SMIM27: variants seen among roughly 807,000 people sequenced by gnomAD.
SMIM27 encodes the protein TOPORS antisense RNA 1 (non-protein coding).
SMIM27 carries 3 observed loss-of-function variants against 1.8 expected under a neutral mutation model. The ratio of observed to expected loss-of-function variants is 1.65; its 90% CI spans 0.75 to 4.28. SMIM27 has a LOEUF of 4.28. Among genes scored for constraint, SMIM27 ranks in the 30% most tolerant of loss-of-function variants. The pLI, the probability that SMIM27 is intolerant of heterozygous loss-of-function variation, is 0.02. For missense variants in SMIM27, 63 were observed against 37.0 expected, an observed-to-expected ratio of 1.70 and a Z score of -1.83; for synonymous variants, 19 against 13.9, an observed-to-expected ratio of 1.37 and a Z score of -0.82.
At chr9:32,564,203 T>A (rs906762644) in intron 1 of SMIM27, among the ~76,000 whole-genome samples, 1 of 152,198 alleles carries the variant, frequency 6.6e-6, no homozygotes, top group African/African-American at 2.4e-5. Context: ...TTAAAAACCA[T>A]GAGTTCACAC....
At chr9:32,566,453 A>G in exon 2 of SMIM27, 1 of 815,480 alleles carries the variant, frequency 1.2e-6, no homozygotes, top group East Asian at 2.4e-5. Context: ...GAGTATCTTG[A>G]CAAGCAGCCG....
chr9:32,563,618 C>A (rs1056348862), intron 1 of SMIM27, among the ~76,000 whole-genome samples: 1 of 151,316 alleles, frequency 6.6e-6, no homozygotes, highest in Non-Finnish European at 1.5e-5. Flanking sequence ...GCCACTGTGC[C>A]CAGACTAATG....
downstream of SMIM27, among the ~76,000 whole-genome samples, chr9:32,556,407 G>A (rs1424949799): frequency 2.6e-5 from 4 of 152,188 alleles, no homozygotes; most frequent in Admixed American, 2.6e-4. Flanking sequence ...TATTCGATAG[G>A]CACGGCTGTA....
At chr9:32,558,936 C>G in intron 1 of SMIM27, 1 of 1,584,756 alleles carries the variant, frequency 6.3e-7, no homozygotes, top group Non-Finnish European at 8.6e-7. Flanking sequence ...TTCTTTTCAA[C>G]TATGCCATAT....
exon 2 of SMIM27, chr9:32,566,724 T>A: frequency 1.1e-6 from 1 of 888,184 alleles, no homozygotes; most frequent in Non-Finnish European, 1.9e-6. Flanking sequence ...AAATCGGGAC[T>A]CCAAGCCTTC....
chr9:32,562,632 G>A (rs535522129), intron 1 of SMIM27, among the ~76,000 whole-genome samples: 2 of 152,218 alleles, frequency 1.3e-5, no homozygotes, highest in South Asian at 4.1e-4. Context: ...ATAGTAAATT[G>A]CTGACTAGTT....
intron 1 of SMIM27, among the ~76,000 whole-genome samples, chr9:32,560,444 C>A (rs933949130): frequency 1.3e-5 from 2 of 151,980 alleles, no homozygotes; most frequent in Non-Finnish European, 2.9e-5. Context: ...TAAGTTAAAC[C>A]CAGAGTATAA....
chr9:32,552,957 C>A lies in SMIM27; in HGVS notation c.*34C>A. ...GATTTAATTATCTGAAAATACAGTT[C>A]TTTCCCTCATGCTTATGTAGATATA... On this transcript the variant is annotated 3_prime_UTR_variant, in exon 2 of 2. Coordinates refer to ENST00000692500, the MANE Select transcript of SMIM27 (RefSeq NM_001387564.1). The A allele has an allele frequency of 1.5e-6, 1 of 688,644 alleles. No individual in the cohort carries two copies. Among genetic ancestry groups the A allele is most frequent in the Non-Finnish European group, 2.6e-6 (1 of 378,902 alleles). 42.7% of individuals were successfully genotyped at this position (688,644 alleles called of 1,614,324 possible).
chr9:32,564,927 T>G (rs1486007050), intron 1 of SMIM27, among the ~76,000 whole-genome samples: 1 of 152,320 alleles, frequency 6.6e-6, no homozygotes, highest in South Asian at 2.1e-4. Context: ...AACGGCAGTT[T>G]CATGTGGTTC....
downstream of SMIM27, chr9:32,553,997 T>TAG: frequency 8.5e-7 from 1 of 1,169,662 alleles, no homozygotes; most frequent in Non-Finnish European, 1.3e-6. Context: ...ACAGAGGTGA[T>TAG]AGTTCTATTC....
chr9:32,558,909 C>T, intron 1 of SMIM27: 2 of 1,571,664 alleles, frequency 1.3e-6, no homozygotes, highest in Non-Finnish European at 1.7e-6. Context: ...TTAAGACTTA[C>T]AGGGAATATT....
At chr9:32,552,642 G>T in intron 1 of SMIM27, 159 bp from the exon 2 acceptor site, 1 of 685,012 alleles carries the variant, frequency 1.5e-6, no homozygotes, top group Non-Finnish European at 2.6e-6. Context: ...ACGATCTTCC[G>T]CTTCTTACGT....
At chr9:32,562,498 G>A (rs1821654364) in intron 1 of SMIM27, among the ~76,000 whole-genome samples, 1 of 152,190 alleles carries the variant, frequency 6.6e-6, no homozygotes, top group Non-Finnish European at 1.5e-5. Flanking sequence ...CTAACAGAAA[G>A]CCAACATTCA....
chr9:32,559,796 T>C lies in SMIM27; in HGVS notation c.46-6595T>C, dbSNP rs942779017. Among the ~76,000 whole-genome samples, 11 of 152,048 alleles carry C rather than the reference T, an allele frequency of 7.2e-5. No individual in the cohort carries two copies. In the South Asian group the frequency reaches 1.0e-3, roughly 14 times the overall value. ...TAACATTAATATACCTCTTTGTTTA[T>C]ATATTTATTACCAGTCTCTAAAACT... On this transcript the variant is annotated intron_variant, in intron 1 of 1. Transcript: ENST00000451672.
At chr9:32,554,379 C>G (rs887947447), downstream of SMIM27, among the ~76,000 whole-genome samples, 1 of 152,206 alleles carries the variant, frequency 6.6e-6, no homozygotes. Flanking sequence ...AGAATACAAA[C>G]TTTGGCTAGG....
At chr9:32,556,759 A>G (rs1263641965), downstream of SMIM27, among the ~76,000 whole-genome samples, 1 of 152,018 alleles carries the variant, frequency 6.6e-6, no homozygotes, top group Non-Finnish European at 1.5e-5. Context: ...AGCTGGAAAA[A>G]CCAGCAAGAT....
Position 32,563,491 on chromosome 9 carries a change from C to CTTTTTTTTTTTTTTTTTT in SMIM27, c.46-2887_46-2886insTTTTTTTTTTTTTTTTTT, listed in dbSNP as rs111646430. Among the ~76,000 whole-genome samples, 62 of 91,972 alleles carry CTTTTTTTTTTTTTTTTTT rather than the reference C, an allele frequency of 6.7e-4. 9 individuals are homozygous for CTTTTTTTTTTTTTTTTTT. Among genetic ancestry groups the CTTTTTTTTTTTTTTTTTT allele is most frequent in the Non-Finnish European group, 9.7e-4 (44 of 45,450 alleles). The allele number at this position is 91,972 out of a possible 152,430, so 60.3% of individuals were successfully genotyped here. ...CTCCTGAACAGGTGGGACTATTGGG[C>CTTTTTTTTTTTTTTTTTT]TTTTTTTTTTTTTGGAGGGATGGGG... On this transcript the variant is annotated intron_variant, in intron 1 of 1. Coordinates refer to the SMIM27 transcript ENST00000451672.
intron 1 of SMIM27, among the ~76,000 whole-genome samples, chr9:32,558,702 C>T (rs1821541245): frequency 6.6e-6 from 1 of 152,150 alleles, no homozygotes; most frequent in South Asian, 2.1e-4. Flanking sequence ...AATGTGCTCA[C>T]TTCCCATTTG....
upstream of SMIM27, chr9:32,552,189 A>G: frequency 1.7e-6 from 1 of 602,834 alleles, no homozygotes. Context: ...AAAAAAAAAA[A>G]AAAGCAATTT....
Sources: gnomAD v4.1 joint callset for allele counts (sites outside exome capture counted in the v4.1 genomes callset) on GRCh38, gnomAD v4.1.1 for gene constraint, MANE v1.5 for transcripts, NCBI Gene and HGNC (gene_info 2026-07-23, HGNC 2026-07-21) for gene names.